DPP6: variants seen among roughly 807,000 people sequenced by gnomAD.
DPP6 encodes the protein dipeptidyl peptidase like 6, also known as A-type potassium channel modulatory protein DPP6.
A neutral mutation model predicts 122.6 loss-of-function variants in DPP6; 69 were observed. The ratio of observed to expected loss-of-function variants is 0.56; its 90% confidence interval spans 0.46 to 0.69. DPP6 has a LOEUF of 0.69. Among genes scored for constraint, DPP6 ranks in the 30% least tolerant of loss-of-function variants. The pLI, the probability that DPP6 is intolerant of heterozygous loss-of-function variation, is 0.00. For missense variants in DPP6, 928 were observed against 1,116.9 expected, an observed-to-expected ratio of 0.83 and a Z score of 2.41; for synonymous variants, 418 against 433.1, an observed-to-expected ratio of 0.97 and a Z score of 0.43.
chr7:154,766,289 A>G (rs1795894455), intron 8 of DPP6, among the ~76,000 whole-genome samples: 1 of 151,958 alleles, frequency 6.6e-6, no homozygotes, highest in African/African-American at 2.4e-5. Context: ...GAACCCGATG[A>G]CCCAATGGTC....
intron 5 of DPP6, among the ~76,000 whole-genome samples, chr7:154,579,742 G>A (rs531948516): frequency 1.1e-3 from 174 of 152,276 alleles, no homozygotes; most frequent in African/African-American, 4.1e-3. Context: ...GAGATGGACT[G>A]GCAGGTACCT....
intron 1 of DPP6, among the ~76,000 whole-genome samples, chr7:154,356,949 T>C (rs914849246): frequency 3.3e-5 from 5 of 152,206 alleles, no homozygotes; most frequent in African/African-American, 1.2e-4. Flanking sequence ...GCTTGAGGCT[T>C]TACCATCTAG....
At chr7:154,254,227 A>T (rs1802524663) in intron 1 of DPP6, among the ~76,000 whole-genome samples, 2 of 152,204 alleles carry the variant, frequency 1.3e-5, no homozygotes, top group Admixed American at 1.3e-4. Context: ...AGCTTTGCCC[A>T]ATCTATCCAT....
chr7:154,604,626 G>A lies in DPP6; in HGVS notation c.628-33195G>A, dbSNP rs1833526080. Among the ~76,000 whole-genome samples, 3 of 120,438 alleles carry A rather than the reference G, an allele frequency of 2.5e-5. 1 individual carries two copies. The highest frequency in any genetic ancestry group is 5.6e-5 in the Non-Finnish European group (3 of 53,418). The allele number at this position is 120,438 out of a possible 152,430, so 79.0% of individuals were successfully genotyped here. On this transcript the variant is annotated intron_variant, in intron 5 of 25. Coordinates refer to ENST00000377770, the MANE Select transcript of DPP6 (RefSeq NM_130797.4). ...TCATAGATGTCTTAAATATAATTTA[G>A]AATAATTACTTCTGCATAATTTTAA...
At chr7:154,280,695 C>T (rs188703509) in intron 1 of DPP6, among the ~76,000 whole-genome samples, 2 of 152,270 alleles carry the variant, frequency 1.3e-5, no homozygotes, top group African/African-American at 2.4e-5. Flanking sequence ...AAACATCACT[C>T]CCAGGAAAAT....
At chr7:154,555,651 CA>C (rs1006492132) in intron 4 of DPP6, among the ~76,000 whole-genome samples, 62 of 150,864 alleles carry the variant, frequency 4.1e-4, no homozygotes, top group Non-Finnish European at 6.6e-4. Context: ...ATCCAAATGT[CA>C]AAAAAAACTA....
intron 5 of DPP6, among the ~76,000 whole-genome samples, chr7:154,599,677 C>A (rs781377762): frequency 6.6e-6 from 1 of 151,990 alleles, no homozygotes; most frequent in Non-Finnish European, 1.5e-5. Context: ...CCCAGCCCCC[C>A]ACCCCATGAC....
intron 7 of DPP6, among the ~76,000 whole-genome samples, chr7:154,722,019 G>A (rs1430148479): frequency 2.1e-5 from 3 of 142,998 alleles, no homozygotes; most frequent in Non-Finnish European, 4.5e-5. Context: ...AAAAAAAAAA[G>A]ATACAGATAG....
chr7:153,804,435 T>G, the DPP6 span, among the ~76,000 whole-genome samples: 1 of 152,190 alleles, frequency 6.6e-6, no homozygotes, highest in Non-Finnish European at 1.5e-5. Flanking sequence ...TTCTATATTT[T>G]AATATCTCTA....
At chr7:153,779,228 G>A in the DPP6 span, among the ~76,000 whole-genome samples, 8 of 146,136 alleles carry the variant, frequency 5.5e-5, no homozygotes, top group Non-Finnish European at 7.5e-5. Context: ...CAGAACTGGG[G>A]CAGAGAAAAT....
chr7:154,221,218 G>T (rs2150829234), intron 1 of DPP6, among the ~76,000 whole-genome samples: 1 of 152,192 alleles, frequency 6.6e-6, no homozygotes, highest in Admixed American at 6.5e-5. Flanking sequence ...TCGGCTCACT[G>T]CAACTTCCAC....
chr7:154,305,908 T>C (rs1477469227), intron 1 of DPP6, among the ~76,000 whole-genome samples: 1 of 152,156 alleles, frequency 6.6e-6, no homozygotes, highest in Non-Finnish European at 1.5e-5. Context: ...ACGAGTTCCC[T>C]GGGAAGGTTC....
chr7:154,783,834 A>T (rs1023259787), intron 10 of DPP6, among the ~76,000 whole-genome samples: 11 of 152,230 alleles, frequency 7.2e-5, no homozygotes, highest in Non-Finnish European at 8.8e-5. Flanking sequence ...TGTGAGGAAG[A>T]ATGGTAAGGC....
intron 1 of DPP6, among the ~76,000 whole-genome samples, chr7:154,261,846 T>C (rs185661339): frequency 5.3e-4 from 80 of 152,284 alleles, no homozygotes; most frequent in Non-Finnish European, 9.6e-4. Flanking sequence ...TGAGATACCA[T>C]CTTACTCCTG....
At chr7:154,051,128 A>C, upstream of DPP6, among the ~76,000 whole-genome samples, 1 of 123,624 alleles carries the variant, frequency 8.1e-6, no homozygotes, top group Non-Finnish European at 1.8e-5. Flanking sequence ...TGTTATTTTG[A>C]AACCCTAAGT....
chr7:154,566,917 G>A lies in DPP6; in HGVS notation c.627+1G>A, dbSNP rs747569022. The A allele has an allele frequency of 5.6e-6, 9 of 1,597,314 alleles. No homozygotes were observed. Among genetic ancestry groups the A allele is most frequent in the African/African-American group, 1.3e-5 (1 of 74,560 alleles). The stretch of plus-strand genomic sequence containing the variant: ...ACTTTTTTCATACAATGTGGAACCC[G>A]TGAGTATTATCCTTTACTGCCTACA... On this transcript the variant is annotated splice_donor_variant, in intron 5 of 25. Coordinates refer to ENST00000377770, the MANE Select transcript of DPP6 (RefSeq NM_130797.4). LOFTEE classifies it high-confidence loss of function.
At chr7:154,120,565 G>A (rs1044218546) in intron 1 of DPP6, among the ~76,000 whole-genome samples, 1 of 152,054 alleles carries the variant, frequency 6.6e-6, no homozygotes, top group African/African-American at 2.4e-5. Context: ...TTTCAAAGGG[G>A]TCTTCCTTAA....
intron 1 of DPP6, among the ~76,000 whole-genome samples, chr7:153,983,148 C>T (rs929555048): frequency 2.0e-5 from 3 of 152,224 alleles, no homozygotes; most frequent in African/African-American, 4.8e-5. Flanking sequence ...GCGCCCACAG[C>T]CGCCCCTTCC....
At chr7:154,817,147 C>T (rs1799473177) in intron 16 of DPP6, among the ~76,000 whole-genome samples, 1 of 152,116 alleles carries the variant, frequency 6.6e-6, no homozygotes, top group Non-Finnish European at 1.5e-5. Flanking sequence ...AATATGTATA[C>T]TAAGGTGCTT....
Sources: gnomAD v4.1 joint callset for allele counts (sites outside exome capture counted in the v4.1 genomes callset) on GRCh38, gnomAD v4.1.1 for gene constraint, MANE v1.5 for transcripts, NCBI Gene and HGNC (gene_info 2026-07-23, HGNC 2026-07-21) for gene names.